FGD4: variants seen among roughly 807,000 people sequenced by gnomAD.
FGD4 encodes the protein FYVE, RhoGEF and PH domain-containing protein 4.
A neutral mutation model predicts 102.0 loss-of-function variants in FGD4; 42 were observed. That is an observed-to-expected ratio of 0.41 (90% CI 0.32 to 0.53). The LOEUF is 0.53. Ranked by LOEUF, FGD4 falls within the 20% of genes least tolerant of loss-of-function variation. The pLI is 0.21. For synonymous variants in FGD4, 380 were observed against 375.7 expected (o/e 1.01, Z -0.13); for missense variants, 902 against 1,078.2 (o/e 0.84, Z 2.29).
intron 1 of FGD4, among the ~76,000 whole-genome samples, chr12:32,532,463 A>C (rs1941894132): frequency 6.6e-6 from 1 of 152,140 alleles, no homozygotes; most frequent in Non-Finnish European, 1.5e-5. Context: ...TTACAGAGTG[A>C]TATTCTTCTG....
chr12:32,562,211 CT>C (rs1490027146), intron 1 of FGD4, among the ~76,000 whole-genome samples: 1 of 152,162 alleles, frequency 6.6e-6, no homozygotes, highest in African/African-American at 2.4e-5. Context: ...GCGTTCTGCC[CT>C]TTCTGTGGCC....
chr12:32,579,070 G>C (rs1946383699), intron 3 of FGD4, among the ~76,000 whole-genome samples: 1 of 72,410 alleles, frequency 1.4e-5, no homozygotes, highest in Non-Finnish European at 2.4e-5. Context: ...TTTTGAGACA[G>C]AGTTTTGCTC....
chr12:32,592,948 AGTCT>A (rs1947600435), intron 4 of FGD4, among the ~76,000 whole-genome samples: 1 of 152,200 alleles, frequency 6.6e-6, no homozygotes, highest in Non-Finnish European at 1.5e-5. Flanking sequence ...GTGATTTGTC[AGTCT>A]GTCTATTTAC....
At chr12:32,498,692 C>T (rs113236471) in intron 1 of FGD4, among the ~76,000 whole-genome samples, 3,363 of 152,230 alleles carry the variant, frequency 0.022, 79 homozygotes, top group South Asian at 0.069. Context: ...CAACCACTGC[C>T]TCCTGGGTTC....
chr12:32,612,793 A>G (rs748492759), intron 10 of FGD4, among the ~76,000 whole-genome samples: 2 of 152,160 alleles, frequency 1.3e-5, no homozygotes, highest in African/African-American at 2.4e-5. Flanking sequence ...GGAAAAGTAC[A>G]TGAGTTCTCT....
chr12:32,569,025 C>T (rs1373252126), intron 2 of FGD4, among the ~76,000 whole-genome samples: 1 of 152,244 alleles, frequency 6.6e-6, no homozygotes, highest in East Asian at 1.9e-4. Flanking sequence ...TGCTATGTCA[C>T]TTGACCATCG....
intron 2 of FGD4, among the ~76,000 whole-genome samples, chr12:32,564,569 C>T (rs1483275746): frequency 6.6e-6 from 1 of 152,160 alleles, no homozygotes; most frequent in Admixed American, 6.5e-5. Context: ...TATGCCTGAT[C>T]TAGTACAGGG....
chr12:32,543,403 G>C (rs1014801244), intron 1 of FGD4, among the ~76,000 whole-genome samples: 11 of 152,066 alleles, frequency 7.2e-5, no homozygotes, highest in African/African-American at 2.4e-4. Flanking sequence ...TCAGTCTCCA[G>C]GCACTCTCCC....
intron 1 of FGD4, among the ~76,000 whole-genome samples, chr12:32,468,786 T>C (rs1311723526): frequency 6.6e-6 from 1 of 152,146 alleles, no homozygotes; most frequent in Non-Finnish European, 1.5e-5. Context: ...GAAAGTGAAG[T>C]TCTCACCCAA....
At chr12:32,504,711 G>A (rs1444586542) in intron 1 of FGD4, among the ~76,000 whole-genome samples, 2 of 152,266 alleles carry the variant, frequency 1.3e-5, no homozygotes, top group East Asian at 1.9e-4. Flanking sequence ...TCATGTAAAA[G>A]GATTATGTAG....
chr12:32,464,871 G>A (rs1454338658), intron 1 of FGD4, among the ~76,000 whole-genome samples: 1 of 152,134 alleles, frequency 6.6e-6, no homozygotes, highest in Non-Finnish European at 1.5e-5. Flanking sequence ...ACTAGAAAAT[G>A]GGTCCTAATC....
intron 14 of FGD4, among the ~76,000 whole-genome samples, chr12:32,630,359 A>G (rs773567963): frequency 4.6e-5 from 7 of 152,206 alleles, no homozygotes; most frequent in African/African-American, 1.7e-4. Flanking sequence ...GACTGTTTAC[A>G]TAGTCTTTCT....
chr12:32,622,342 T>A (rs2136913173), intron 11 of FGD4, among the ~76,000 whole-genome samples: 1 of 152,332 alleles, frequency 6.6e-6, no homozygotes, highest in Non-Finnish European at 1.5e-5. Flanking sequence ...AATGGATACT[T>A]TCAGTCCTCC....
chr12:32,511,434 G>C (rs1411752141), intron 1 of FGD4, among the ~76,000 whole-genome samples: 5 of 151,918 alleles, frequency 3.3e-5, no homozygotes, highest in Admixed American at 1.3e-4. Flanking sequence ...GAGTAGCTTG[G>C]GACTACAGGT....
intron 15 of FGD4, chr12:32,637,884 G>A (rs192113497): frequency 4.6e-5 from 7 of 152,272 alleles, no homozygotes; most frequent in Admixed American, 4.6e-4. Flanking sequence ...GGGGATCGTG[G>A]GGATTACAAT....
intron 1 of FGD4, among the ~76,000 whole-genome samples, chr12:32,429,622 C>T (rs1260076367): frequency 2.0e-5 from 3 of 152,194 alleles, no homozygotes; most frequent in African/African-American, 7.2e-5. Context: ...TGAAGCTTTG[C>T]CCACAGCTGC....
intron 1 of FGD4, among the ~76,000 whole-genome samples, chr12:32,431,767 T>A (rs1458932076): frequency 1.3e-5 from 2 of 151,462 alleles, no homozygotes; most frequent in Non-Finnish European, 2.9e-5. Context: ...AGCAAGATTC[T>A]GTCTTAAAAA....
intron 1 of FGD4, among the ~76,000 whole-genome samples, chr12:32,433,266 G>A (rs1942115048): frequency 6.6e-6 from 1 of 152,086 alleles, no homozygotes; most frequent in Non-Finnish European, 1.5e-5. Context: ...TAAAGTGCTG[G>A]GATTGAGCCA....
chr12:32,583,347 G>GA (rs201670275), intron 4 of FGD4, among the ~76,000 whole-genome samples: 73 of 150,670 alleles, frequency 4.8e-4, no homozygotes, highest in African/African-American at 1.4e-3. Context: ...AAAAAACAAG[G>GA]AAAAAAAAAT....
Sources: gnomAD v4.1 joint callset for allele counts (sites outside exome capture counted in the v4.1 genomes callset) on GRCh38, gnomAD v4.1.1 for gene constraint, MANE v1.5 for transcripts, NCBI Gene and HGNC (gene_info 2026-07-23, HGNC 2026-07-21) for gene names.